The following SDK1 variants were observed in gnomAD, a reference collection of about 807,000 sequenced individuals.
SDK1 encodes the protein protein sidekick-1.
Under a neutral mutation model 245.5 loss-of-function variants are expected in SDK1, and 157 were observed. That is an observed-to-expected ratio of 0.64 (90% CI 0.56 to 0.73). The LOEUF is 0.73. Ranked by LOEUF, SDK1 falls within the 30% of genes least tolerant of loss-of-function variation. The probability of loss-of-function intolerance (pLI) is 0.00; values close to 1 mark genes in which losing one functional copy is unlikely to be tolerated. For missense variants in SDK1, 3,583 were observed against 3,002.3 expected, an observed-to-expected ratio of 1.19 and a Z score of -4.52; for synonymous variants, 1,647 against 1,278.5, an observed-to-expected ratio of 1.29 and a Z score of -6.15.
At chr7:3,730,194 GAAAC>G (rs1779138613) in intron 4 of SDK1, among the ~76,000 whole-genome samples, 1 of 152,122 alleles carries the variant, frequency 6.6e-6, no homozygotes, top group Non-Finnish European at 1.5e-5. Context: ...ATCTGTAGCT[GAAAC>G]AAACAGTCTA....
intron 1 of SDK1, among the ~76,000 whole-genome samples, chr7:3,327,635 C>T (rs1779968860): frequency 1.3e-5 from 2 of 151,884 alleles, no homozygotes; most frequent in South Asian, 4.2e-4. Context: ...GCCCAGAATC[C>T]CATATCTGTA....
At chr7:3,651,280 G>C (rs1263230474) in intron 4 of SDK1, among the ~76,000 whole-genome samples, 1 of 151,934 alleles carries the variant, frequency 6.6e-6, no homozygotes, top group Non-Finnish European at 1.5e-5. Context: ...ATTCTCATAG[G>C]TGTATAATGA....
At chr7:3,327,011 T>C (rs1779955804) in intron 1 of SDK1, among the ~76,000 whole-genome samples, 1 of 152,230 alleles carries the variant, frequency 6.6e-6, no homozygotes, top group African/African-American at 2.4e-5. Flanking sequence ...AGCTCTTAGG[T>C]TGAATAATCT....
At chr7:3,788,278 A>T (rs1458972249) in intron 4 of SDK1, among the ~76,000 whole-genome samples, 1 of 152,150 alleles carries the variant, frequency 6.6e-6, no homozygotes. Flanking sequence ...AACAGCAGAA[A>T]CCTGGTCTCA....
At position 4,191,956 on chromosome 7, in the gene SDK1, G is replaced by C. The variant is rs10235441; in HGVS notation, c.5098+13370G>C. 9.9e-3 allele frequency among the ~76,000 whole-genome samples: 1,501 copies of C among 152,226 alleles called. 24 individuals carry two copies. Among genetic ancestry groups the C allele is most frequent in the African/African-American group, 0.034 (1,420 of 41,512 alleles). ...TGAAAGGGCTTTGACGGCAGTTTCC[G>C]ACCCCACCCCCAGGCCTCTCTCAAA... On this transcript the variant is annotated intron_variant, in intron 35 of 44. Transcript: ENST00000404826.
chr7:3,501,393 A>G (rs1372761849), intron 1 of SDK1, among the ~76,000 whole-genome samples: 1 of 150,012 alleles, frequency 6.7e-6, no homozygotes, highest in Non-Finnish European at 1.5e-5. Flanking sequence ...AAAAAAACTG[A>G]TCAGGACAGT....
intron 20 of SDK1, among the ~76,000 whole-genome samples, chr7:4,075,337 T>G (rs753816298): frequency 6.6e-6 from 1 of 152,170 alleles, no homozygotes; most frequent in Non-Finnish European, 1.5e-5. Flanking sequence ...ACATTAAATT[T>G]TTTTCAAAAT....
In SDK1 at chr7:3,956,753, C is replaced by A. The variant is rs531267733; in HGVS notation, c.1151-2178C>A. ...TGCTGTGTGCCAAACACAGATGGTC[C>A]CTGGCTAGGGTGGAGAGAGGTCACC... On this transcript the variant is annotated intron_variant, in intron 7 of 44. Coordinates refer to ENST00000404826, the MANE Select transcript of SDK1 (RefSeq NM_152744.4). 1.7e-3 allele frequency among the ~76,000 whole-genome samples: 253 copies of A among 152,240 alleles called. 1 individual carries two copies. The highest frequency in any genetic ancestry group is 5.9e-3 in the African/African-American group (247 of 41,526).
At chr7:3,405,506 G>C (rs1010109739) in intron 1 of SDK1, among the ~76,000 whole-genome samples, 3 of 152,130 alleles carry the variant, frequency 2.0e-5, no homozygotes, top group Non-Finnish European at 4.4e-5. Context: ...GCTCTCTCTA[G>C]CTCCCCCAAA....
At chr7:3,902,431 C>T (rs542912633) in intron 5 of SDK1, among the ~76,000 whole-genome samples, 9 of 152,330 alleles carry the variant, frequency 5.9e-5, no homozygotes. Context: ...ACTACAAATT[C>T]AGTAAGAGAG....
At chr7:3,416,550 C>A in intron 1 of SDK1, among the ~76,000 whole-genome samples, 1 of 150,124 alleles carries the variant, frequency 6.7e-6, no homozygotes, top group Non-Finnish European at 1.5e-5. Flanking sequence ...CTGCTGTCTT[C>A]AGGCAATAAG....
chr7:4,081,054 G>A (rs1023798380), intron 22 of SDK1, among the ~76,000 whole-genome samples: 4 of 152,172 alleles, frequency 2.6e-5, no homozygotes, highest in African/African-American at 7.2e-5. Context: ...GCAGAAGCAC[G>A]CGCTGTGGTC....
At chr7:3,904,296 T>G (rs1781890658) in intron 5 of SDK1, among the ~76,000 whole-genome samples, 1 of 151,954 alleles carries the variant, frequency 6.6e-6, no homozygotes, top group African/African-American at 2.4e-5. Flanking sequence ...AGAGGGGCAA[T>G]GGAAAGTGAG....
At chr7:4,228,521 C>G (rs990559897) in intron 40 of SDK1, among the ~76,000 whole-genome samples, 1 of 152,192 alleles carries the variant, frequency 6.6e-6, no homozygotes, top group African/African-American at 2.4e-5. Context: ...CATGACTGTC[C>G]TCTTCCAGCC....
intron 4 of SDK1, among the ~76,000 whole-genome samples, chr7:3,760,611 G>C (rs1040969943): frequency 6.6e-6 from 1 of 152,128 alleles, no homozygotes; most frequent in African/African-American, 2.4e-5. Context: ...GAATAATTTT[G>C]ATCTTTCAGG....
chr7:3,854,003 T>C (rs1430730939), intron 5 of SDK1, among the ~76,000 whole-genome samples: 1 of 152,116 alleles, frequency 6.6e-6, no homozygotes, highest in African/African-American at 2.4e-5. Context: ...AAAAATTTTT[T>C]TTGGATTTCA....
intron 44 of SDK1, among the ~76,000 whole-genome samples, chr7:4,258,158 G>C (rs547576920): frequency 6.6e-6 from 1 of 152,194 alleles, no homozygotes; most frequent in Non-Finnish European, 1.5e-5. Context: ...TATACAAGCC[G>C]TGAAGGAAAT....
At chr7:3,508,442 C>A (rs898357985) in intron 1 of SDK1, among the ~76,000 whole-genome samples, 1 of 151,676 alleles carries the variant, frequency 6.6e-6, no homozygotes, top group Non-Finnish European at 1.5e-5. Flanking sequence ...ATTCTCCTGC[C>A]TCAGCCTCCT....
In SDK1 at chr7:4,249,151, A is replaced by G. The variant is rs146604243; in HGVS notation, c.6381+3346A>G. Among the ~76,000 whole-genome samples, 401 of 152,286 alleles carry G rather than the reference A, an allele frequency of 2.6e-3. 15 individuals are homozygous for G. In the East Asian group the frequency reaches 0.065, roughly 25 times the overall value. On this transcript the variant is annotated intron_variant, in intron 44 of 44. Coordinates refer to ENST00000404826, the MANE Select transcript of SDK1 (RefSeq NM_152744.4). Reference sequence around the variant, plus strand: ...TAGGGGAAGAAGGGTGGAGGGCAGGACATGGAACCCACACTAAATGGAATT... The same window carrying G: ...TAGGGGAAGAAGGGTGGAGGGCAGGGCATGGAACCCACACTAAATGGAATT...
Sources: allele counts gnomAD v4.1 joint callset (sites outside exome capture counted in the v4.1 genomes callset), GRCh38; gene constraint gnomAD v4.1.1; transcripts MANE v1.5; gene names NCBI Gene and HGNC (gene_info 2026-07-23, HGNC 2026-07-21).